CTNND2: variants seen among roughly 807,000 people sequenced by gnomAD.
CTNND2 encodes the protein catenin delta-2.
A neutral mutation model predicts 144.4 loss-of-function variants in CTNND2; 22 were observed. The observed-to-expected ratio is 0.15, with a 90% confidence interval of 0.11 to 0.22. The LOEUF (loss-of-function observed/expected upper bound fraction) is 0.22. CTNND2 is among the 10% of genes least tolerant of loss of function. The pLI is 1.00. For missense variants in CTNND2, 1,353 were observed against 1,618.8 expected (o/e 0.84, Z 2.82); for synonymous variants, 751 against 695.6 (o/e 1.08, Z -1.25).
intron 3 of CTNND2, among the ~76,000 whole-genome samples, chr5:11,445,080 C>T (rs1015525408): frequency 6.6e-6 from 1 of 152,170 alleles, no homozygotes; most frequent in African/African-American, 2.4e-5. Context: ...TCTCGGCATT[C>T]TGGAGGCTTG....
chr5:11,885,583 C>A (rs1258813557), intron 1 of CTNND2, among the ~76,000 whole-genome samples: 1 of 152,110 alleles, frequency 6.6e-6, no homozygotes, highest in East Asian at 1.9e-4. Flanking sequence ...GAGATATAGG[C>A]TGCAGTATAA....
At chr5:11,198,571 G>A (rs1737103220) in intron 11 of CTNND2, among the ~76,000 whole-genome samples, 1 of 152,190 alleles carries the variant, frequency 6.6e-6, no homozygotes, top group African/African-American at 2.4e-5. Context: ...AAGGTCGACG[G>A]AATCACAGAT....
intron 9 of CTNND2, among the ~76,000 whole-genome samples, chr5:11,256,387 G>A (rs1485156277): frequency 6.6e-6 from 1 of 152,146 alleles, no homozygotes. Context: ...TGTAGCACTT[G>A]TCACGTTGAA....
intron 2 of CTNND2, among the ~76,000 whole-genome samples, chr5:11,644,654 A>G (rs1782254223): frequency 6.6e-6 from 1 of 150,812 alleles, no homozygotes; most frequent in Non-Finnish European, 1.5e-5. Flanking sequence ...GGCATGGGCG[A>G]AAGAACAAGA....
chr5:10,977,031 T>C (rs1736575030), intron 21 of CTNND2, among the ~76,000 whole-genome samples: 1 of 152,262 alleles, frequency 6.6e-6, no homozygotes, highest in African/African-American at 2.4e-5. Context: ...CCCAGCAATC[T>C]GTGCTTTAAC....
At chr5:11,530,375 T>G (rs1773637880) in intron 3 of CTNND2, among the ~76,000 whole-genome samples, 1 of 152,162 alleles carries the variant, frequency 6.6e-6, no homozygotes, top group Non-Finnish European at 1.5e-5. Context: ...TGATCAAGTA[T>G]TCGTTACCCA....
chr5:11,514,591 T>C (rs1771992511), intron 3 of CTNND2, among the ~76,000 whole-genome samples: 2 of 152,200 alleles, frequency 1.3e-5, no homozygotes, highest in South Asian at 4.1e-4. Context: ...AATATAAAAA[T>C]TTCTTCGTCT....
chr5:11,496,410 T>TATTGTAAGA (rs1323438555), intron 3 of CTNND2, among the ~76,000 whole-genome samples: 1 of 152,206 alleles, frequency 6.6e-6, no homozygotes, highest in African/African-American at 2.4e-5. Flanking sequence ...ATCAATGTTT[T>TATTGTAAGA]ATTGTAAGAT....
Position 11,349,597 on chromosome 5 carries a change from T to C in CTNND2, c.1373-2970A>G, listed in dbSNP as rs562357856. Among the ~76,000 whole-genome samples, 73 of 152,244 alleles carry C rather than the reference T, an allele frequency of 4.8e-4. 2 individuals are homozygous for C. In the South Asian group the frequency reaches 0.015, roughly 31 times the overall value. On this transcript the variant is annotated intron_variant, in intron 8 of 21. Transcript: ENST00000304623. ...GAATTACCTAATACGGTCAGAAAAC[T>C]TAGAAAAACGGTGAGGCCTGAAACG...
chr5:11,802,537 A>C (rs970658697), intron 1 of CTNND2, among the ~76,000 whole-genome samples: 1 of 150,912 alleles, frequency 6.6e-6, no homozygotes, highest in African/African-American at 2.4e-5. Flanking sequence ...ATTGCACTCC[A>C]GTCTGGGCAA....
intron 12 of CTNND2, among the ~76,000 whole-genome samples, chr5:11,140,697 G>T (rs1190209816): frequency 2.6e-5 from 4 of 152,160 alleles, no homozygotes; most frequent in African/African-American, 9.7e-5. Context: ...ATGTGCAATG[G>T]AAAGAAGGAT....
rs558735850 is a variant in CTNND2, at chr5:11,763,496, T to A, written c.38-31224A>T. On this transcript the variant is annotated intron_variant, in intron 1 of 21. Transcript: ENST00000304623. ...TTATTTGGCTTATTAATGTTCCACCTGCCTGTGCTTCAATTGACCAGAGAA... is the reference window on the plus strand; with the variant it reads ...TTATTTGGCTTATTAATGTTCCACCAGCCTGTGCTTCAATTGACCAGAGAA... Among the ~76,000 whole-genome samples the A allele has an allele frequency of 4.6e-5, 7 of 152,332 alleles. 1 individual carries two copies. In the South Asian group the frequency reaches 1.5e-3, roughly 32 times the overall value.
chr5:11,544,791 T>A (rs1274515240), intron 3 of CTNND2, among the ~76,000 whole-genome samples: 1 of 152,048 alleles, frequency 6.6e-6, no homozygotes, highest in African/African-American at 2.4e-5. Context: ...AAGACCAGCC[T>A]GGCCAACATG....
At chr5:11,044,917 T>C (rs549137588) in intron 16 of CTNND2, among the ~76,000 whole-genome samples, 2 of 152,332 alleles carry the variant, frequency 1.3e-5, no homozygotes, top group South Asian at 4.1e-4. Context: ...CTGGGGACCC[T>C]GAGGGCCCCT....
At chr5:11,856,447 T>TA (rs1235640534) in intron 1 of CTNND2, among the ~76,000 whole-genome samples, 2 of 152,174 alleles carry the variant, frequency 1.3e-5, no homozygotes, top group Non-Finnish European at 2.9e-5. Flanking sequence ...AAAGCTGTGT[T>TA]TCTCTGTATT....
At chr5:11,569,623 C>A (rs530442675) in intron 2 of CTNND2, among the ~76,000 whole-genome samples, 31 of 152,284 alleles carry the variant, frequency 2.0e-4, no homozygotes, top group African/African-American at 7.5e-4. Flanking sequence ...AGTTTCATTA[C>A]TTCCCTCAAT....
intron 21 of CTNND2, among the ~76,000 whole-genome samples, chr5:10,974,605 TAACCCTACAGCAA>T (rs1421741570): frequency 6.6e-6 from 1 of 152,188 alleles, no homozygotes; most frequent in Non-Finnish European, 1.5e-5. Context: ...AGGGTGAGGT[TAACCCTACAGCAA>T]GTGCATACCG....
chr5:11,635,749 C>G (rs892692019), intron 2 of CTNND2, among the ~76,000 whole-genome samples: 1 of 152,094 alleles, frequency 6.6e-6, no homozygotes, highest in South Asian at 2.1e-4. Context: ...ATGGGCTATT[C>G]TTTAACCCCT....
At chr5:11,664,815 T>C (rs1020722606) in intron 2 of CTNND2, among the ~76,000 whole-genome samples, 1 of 152,188 alleles carries the variant, frequency 6.6e-6, no homozygotes, top group Admixed American at 6.5e-5. Context: ...CTCCACAGAA[T>C]GAAGTGCTCC....
Sources: allele counts gnomAD v4.1 joint callset (sites outside exome capture counted in the v4.1 genomes callset), GRCh38; gene constraint gnomAD v4.1.1; transcripts MANE v1.5; gene names NCBI Gene and HGNC (gene_info 2026-07-23, HGNC 2026-07-21).